The following MICU1 variants were observed in gnomAD, a reference collection of about 807,000 sequenced individuals.
The protein encoded by MICU1 is mitochondrial calcium uptake 1.
MICU1 carries 45 observed loss-of-function variants against 56.8 expected under a neutral mutation model. The ratio of observed to expected loss-of-function variants is 0.79; its 90% CI spans 0.62 to 1.02. The LOEUF (loss-of-function observed/expected upper bound fraction) is 1.02, where lower values mean the gene tolerates loss of function less well. Among genes scored for constraint, MICU1 ranks in the 50% least tolerant of loss-of-function variants. The pLI is 0.00. For synonymous variants in MICU1, 186 were observed against 195.1 expected, an observed-to-expected ratio of 0.95 and a Z score of 0.39; for missense variants, 504 against 587.1, an observed-to-expected ratio of 0.86 and a Z score of 1.46.
chr10:72,562,508 T>C (rs1178538559), intron 3 of MICU1, among the ~76,000 whole-genome samples: 2 of 152,186 alleles, frequency 1.3e-5, no homozygotes, highest in Admixed American at 6.5e-5. Context: ...TCAAAGTTAC[T>C]TGGTCTTCTA....
intron 6 of MICU1, among the ~76,000 whole-genome samples, chr10:72,489,575 G>C (rs1866588330): frequency 6.6e-6 from 1 of 151,966 alleles, no homozygotes; most frequent in East Asian, 1.9e-4. Flanking sequence ...GCTACAAAAG[G>C]GTACAATAAG....
chr10:72,553,729 T>C (rs985350119), intron 3 of MICU1, among the ~76,000 whole-genome samples: 5 of 152,214 alleles, frequency 3.3e-5, no homozygotes, highest in South Asian at 2.1e-4. Context: ...ATCAAGAATT[T>C]AAGACAAAAT....
At chr10:72,555,603 G>C (rs904285719) in intron 3 of MICU1, among the ~76,000 whole-genome samples, 1 of 152,202 alleles carries the variant, frequency 6.6e-6, no homozygotes, top group African/African-American at 2.4e-5. Context: ...TCCTGGGCTT[G>C]CTCTTTGAAT....
intron 5 of MICU1, among the ~76,000 whole-genome samples, chr10:72,513,573 C>T (rs898292820): frequency 3.3e-5 from 5 of 152,156 alleles, no homozygotes; most frequent in Non-Finnish European, 4.4e-5. Context: ...TCCCATTTAT[C>T]TATTTTATTA....
At chr10:72,589,218 G>A (rs536632428) in intron 1 of MICU1, among the ~76,000 whole-genome samples, 6 of 152,032 alleles carry the variant, frequency 3.9e-5, no homozygotes, top group African/African-American at 1.4e-4. Flanking sequence ...GAACCCAGGA[G>A]GCGGAGGTTG....
chr10:72,437,776 C>A (rs538173836), intron 8 of MICU1, among the ~76,000 whole-genome samples: 1 of 152,060 alleles, frequency 6.6e-6, no homozygotes, highest in East Asian at 1.9e-4. Context: ...GACTTTAAAC[C>A]AACAAAGATC....
chr10:72,546,892 A>AT (rs1231508780), intron 4 of MICU1, among the ~76,000 whole-genome samples: 2,631 of 138,476 alleles, frequency 0.019, 70 homozygotes, highest in African/African-American at 0.058. Context: ...CGCTCGTCTA[A>AT]TTTTTTTTTT....
chr10:72,451,195 T>C (rs1229475044), intron 8 of MICU1, among the ~76,000 whole-genome samples: 1 of 150,792 alleles, frequency 6.6e-6, no homozygotes, highest in African/African-American at 2.4e-5. Flanking sequence ...CAGCTAATTT[T>C]TGTATTTTTA....
chr10:72,619,700 G>A (rs1016721756), intron 1 of MICU1, among the ~76,000 whole-genome samples: 1 of 152,162 alleles, frequency 6.6e-6, no homozygotes, highest in Non-Finnish European at 1.5e-5. Flanking sequence ...CGAGAACCAA[G>A]AAGGAAAATA....
intron 10 of MICU1, among the ~76,000 whole-genome samples, chr10:72,404,000 G>T (rs1863548933): frequency 6.7e-6 from 1 of 150,344 alleles, no homozygotes; most frequent in African/African-American, 2.5e-5. Flanking sequence ...TTGTTTGTTT[G>T]TTTTTTGGAG....
At chr10:72,606,556 T>G in intron 1 of MICU1, among the ~76,000 whole-genome samples, 1 of 152,024 alleles carries the variant, frequency 6.6e-6, no homozygotes, top group Non-Finnish European at 1.5e-5. Context: ...ATCATGAACT[T>G]ATCTATCCTT....
chr10:72,408,099 T>A (rs929754176), intron 9 of MICU1, 62 bp from the exon 10 acceptor site: 1 of 973,348 alleles, frequency 1.0e-6, no homozygotes, highest in African/African-American at 1.6e-5. Flanking sequence ...ACGATATGCA[T>A]AGGCAGTGAT....
chr10:72,520,894 CTCTACCATGTTATT>C (rs1867797630), intron 5 of MICU1, among the ~76,000 whole-genome samples: 1 of 152,100 alleles, frequency 6.6e-6, no homozygotes, highest in Admixed American at 6.6e-5. Context: ...AAATCTTCAA[CTCTACCATGTTATT>C]TCTGCATACT....
chr10:72,370,449 T>C (rs1402567892), intron 11 of MICU1, among the ~76,000 whole-genome samples: 1 of 152,000 alleles, frequency 6.6e-6, no homozygotes, highest in Non-Finnish European at 1.5e-5. Flanking sequence ...GAAGAGAGTA[T>C]GGGCATCCTC....
intron 10 of MICU1, among the ~76,000 whole-genome samples, chr10:72,378,314 G>A (rs745846456): frequency 6.6e-6 from 1 of 152,142 alleles, no homozygotes; most frequent in Non-Finnish European, 1.5e-5. Flanking sequence ...AATCCCCAGT[G>A]TTGGAGGAGG....
chr10:72,445,706 C>A (rs1589227280), intron 8 of MICU1, among the ~76,000 whole-genome samples: 1 of 152,148 alleles, frequency 6.6e-6, no homozygotes, highest in East Asian at 1.9e-4. Flanking sequence ...TGCAGTTAGG[C>A]AGACTTGGGT....
intron 5 of MICU1, among the ~76,000 whole-genome samples, chr10:72,516,517 T>C (rs1867650353): frequency 1.3e-5 from 2 of 152,220 alleles, no homozygotes; most frequent in Admixed American, 1.3e-4. Context: ...TCCATGCCTA[T>C]GTCCTGAATG....
At chr10:72,582,892 T>C (rs1840940048) in intron 1 of MICU1, 2 of 151,908 alleles carry the variant, frequency 1.3e-5, no homozygotes, top group Non-Finnish European at 2.9e-5. Context: ...TGGGCTATAG[T>C]GTGCTACATG....
intron 6 of MICU1, chr10:72,477,548 C>T: frequency 2.0e-6 from 3 of 1,535,144 alleles, no homozygotes; most frequent in Non-Finnish European, 2.6e-6. Flanking sequence ...TCAGAGACAC[C>T]ATCTTCTTAG....
Sources: allele counts gnomAD v4.1 joint callset (sites outside exome capture counted in the v4.1 genomes callset), GRCh38; gene constraint gnomAD v4.1.1; transcripts MANE v1.5; gene names NCBI Gene and HGNC (gene_info 2026-07-23, HGNC 2026-07-21).